Variants in UMAD1 observed in about 807,000 individuals in gnomAD.
The protein encoded by UMAD1 is UBAP1-MVB12-associated (UMA) domain containing 1.
A neutral mutation model predicts 6.1 loss-of-function variants in UMAD1; 8 were observed. The observed-to-expected ratio is 1.30, with a 90% CI of 0.76 to 2.35. UMAD1 has a LOEUF of 2.35. Ranked by LOEUF, UMAD1 falls within the 30% of genes most tolerant of loss-of-function variation. The probability of loss-of-function intolerance (pLI) is 0.00; values close to 1 mark genes in which losing one functional copy is unlikely to be tolerated. For synonymous variants in UMAD1, 56 were observed against 31.4 expected (o/e 1.78, Z -2.61); for missense variants, 130 against 78.4 (o/e 1.66, Z -2.49).
At chr7:7,789,037 A>G (rs1156409711) in intron 2 of UMAD1, among the ~76,000 whole-genome samples, 1 of 152,214 alleles carries the variant, frequency 6.6e-6, no homozygotes, top group Non-Finnish European at 1.5e-5. Flanking sequence ...AAGCATATTG[A>G]TATGCAGTAT....
At chr7:7,695,603 T>C (rs1297493239) in intron 2 of UMAD1, among the ~76,000 whole-genome samples, 1 of 152,158 alleles carries the variant, frequency 6.6e-6, no homozygotes, top group Non-Finnish European at 1.5e-5. Context: ...ACACATTGAA[T>C]TTCTGGCAGT....
intron 2 of UMAD1, among the ~76,000 whole-genome samples, chr7:7,748,103 A>ATTTTTTTTTTTTTTTTTTTT (rs35368211): frequency 2.1e-5 from 3 of 140,162 alleles, no homozygotes; most frequent in Admixed American, 7.0e-5. Context: ...CGCCCAGCTA[A>ATTTTTTTTTTTTTTTTTTTT]TTTTTTTTTT....
chr7:7,727,647 C>G (rs1431662331), intron 2 of UMAD1, among the ~76,000 whole-genome samples: 1 of 152,148 alleles, frequency 6.6e-6, no homozygotes, highest in African/African-American at 2.4e-5. Context: ...GGTGAACACC[C>G]TCTAATCAAC....
intron 2 of UMAD1, among the ~76,000 whole-genome samples, chr7:7,786,977 A>G (rs1013556704): frequency 3.3e-5 from 5 of 152,254 alleles, no homozygotes; most frequent in Admixed American, 2.6e-4. Context: ...CTTTTATTCC[A>G]TGCTAGTCCT....
chr7:7,677,952 C>T (rs925126722), intron 2 of UMAD1, among the ~76,000 whole-genome samples: 4 of 151,964 alleles, frequency 2.6e-5, no homozygotes, highest in Admixed American at 1.3e-4. Context: ...GGATTACAGG[C>T]GTGAGCCACC....
intron 1 of UMAD1, among the ~76,000 whole-genome samples, chr7:7,660,071 T>G (rs1785437008): frequency 6.6e-6 from 1 of 152,240 alleles, no homozygotes; most frequent in East Asian, 1.9e-4. Context: ...TTTTTGTCTC[T>G]TTTGATCTTT....
At chr7:7,664,206 C>G (rs189294560) in intron 1 of UMAD1, among the ~76,000 whole-genome samples, 2 of 152,244 alleles carry the variant, frequency 1.3e-5, no homozygotes, top group East Asian at 1.9e-4. Flanking sequence ...AAGTCCCCTA[C>G]TTTTCCTTTT....
intron 2 of UMAD1, among the ~76,000 whole-genome samples, chr7:7,728,568 C>T (rs545399298): frequency 1.0e-3 from 151 of 151,138 alleles, no homozygotes; most frequent in African/African-American, 3.5e-3. Flanking sequence ...CACTTGAACC[C>T]GGGAGGCGGA....
At chr7:7,838,285 G>GTA (rs1783609023) in intron 3 of UMAD1, among the ~76,000 whole-genome samples, 1 of 152,096 alleles carries the variant, frequency 6.6e-6, no homozygotes, top group Non-Finnish European at 1.5e-5. Context: ...AGTCCACAGG[G>GTA]TATAGTTTGT....
intron 3 of UMAD1, among the ~76,000 whole-genome samples, chr7:7,842,258 C>T (rs1282008845): frequency 6.6e-6 from 1 of 152,112 alleles, no homozygotes; most frequent in Non-Finnish European, 1.5e-5. Flanking sequence ...GCCTTCTGCG[C>T]AGGGATGATA....
At chr7:7,645,508 C>T (rs765437784) in intron 1 of UMAD1, among the ~76,000 whole-genome samples, 10 of 152,162 alleles carry the variant, frequency 6.6e-5, no homozygotes, top group Non-Finnish European at 1.0e-4. Flanking sequence ...TCAAGTAAAT[C>T]CACGTTCTAT....
intron 2 of UMAD1, among the ~76,000 whole-genome samples, chr7:7,684,001 C>T (rs1014866066): frequency 2.0e-5 from 3 of 152,188 alleles, no homozygotes; most frequent in African/African-American, 7.2e-5. Flanking sequence ...CCGCTCATAC[C>T]AAAATCCATT....
At chr7:7,715,581 GAA>G (rs1780880619) in intron 2 of UMAD1, among the ~76,000 whole-genome samples, 1 of 152,110 alleles carries the variant, frequency 6.6e-6, no homozygotes, top group Admixed American at 6.5e-5. Flanking sequence ...ACAATACAAA[GAA>G]GAGCTCTGTT....
chr7:7,767,301 A>G (rs1782007792), intron 2 of UMAD1, among the ~76,000 whole-genome samples: 1 of 151,712 alleles, frequency 6.6e-6, no homozygotes, highest in Non-Finnish European at 1.5e-5. Context: ...AATTTTTTGT[A>G]TTTTTAGTAG....
intron 3 of UMAD1, among the ~76,000 whole-genome samples, chr7:7,822,229 T>C: frequency 6.6e-6 from 1 of 152,112 alleles, no homozygotes; most frequent in East Asian, 1.9e-4. Context: ...CTGAGAATAG[T>C]ACAGTGAAGT....
At chr7:7,850,774 A>G (rs1034448855) in intron 3 of UMAD1, among the ~76,000 whole-genome samples, 1 of 152,156 alleles carries the variant, frequency 6.6e-6, no homozygotes, top group African/African-American at 2.4e-5. Flanking sequence ...AATTATTACT[A>G]GAATAATGCT....
intron 1 of UMAD1, among the ~76,000 whole-genome samples, chr7:7,645,517 A>G (rs914467594): frequency 3.9e-5 from 6 of 152,186 alleles, no homozygotes; most frequent in Non-Finnish European, 7.3e-5. Flanking sequence ...TCCACGTTCT[A>G]TGTGGCAGAG....
At chr7:7,688,138 T>A (rs1305844342) in intron 2 of UMAD1, among the ~76,000 whole-genome samples, 8 of 152,214 alleles carry the variant, frequency 5.3e-5, no homozygotes, top group Non-Finnish European at 1.0e-4. Context: ...AGGTTTGTAT[T>A]TTTGGGGGGA....
intron 2 of UMAD1, among the ~76,000 whole-genome samples, chr7:7,717,060 C>CTTTTTTTTT (rs766644906): frequency 7.1e-6 from 1 of 141,604 alleles, no homozygotes; most frequent in African/African-American, 2.6e-5. Context: ...TTCTTTTTTT[C>CTTTTTTTTT]TTTTTTTTTT....
Sources: allele counts gnomAD v4.1 joint callset (sites outside exome capture counted in the v4.1 genomes callset), GRCh38; gene constraint gnomAD v4.1.1; transcripts MANE v1.5; gene names NCBI Gene and HGNC (gene_info 2026-07-23, HGNC 2026-07-21).